Variants in PTPRM observed in about 807,000 individuals in gnomAD.
The protein encoded by PTPRM is receptor-type tyrosine-protein phosphatase mu.
A neutral mutation model predicts 186.7 loss-of-function variants in PTPRM; 47 were observed. That is an observed-to-expected ratio of 0.25 (90% confidence interval 0.20 to 0.32). The LOEUF is 0.32. Ranked by LOEUF, PTPRM falls within the 10% of genes least tolerant of loss-of-function variation. The pLI, the probability that PTPRM is intolerant of heterozygous loss-of-function variation, is 1.00. For missense variants in PTPRM, 1,494 were observed against 1,865.0 expected, an observed-to-expected ratio of 0.80 and a Z score of 3.66; for synonymous variants, 668 against 674.9, an observed-to-expected ratio of 0.99 and a Z score of 0.16.
chr18:8,062,996 C>G (rs2088696027), intron 7 of PTPRM, among the ~76,000 whole-genome samples: 1 of 150,066 alleles, frequency 6.7e-6, no homozygotes, highest in African/African-American at 2.5e-5. Flanking sequence ...CCAGTTCGAG[C>G]TTCCCGGCTG....
chr18:8,282,049 C>A (rs1011142162), intron 19 of PTPRM, among the ~76,000 whole-genome samples: 21 of 151,944 alleles, frequency 1.4e-4, no homozygotes, highest in African/African-American at 5.1e-4. Flanking sequence ...TCAAAGGATT[C>A]ATATCTAAAA....
intron 14 of PTPRM, among the ~76,000 whole-genome samples, chr18:8,162,168 C>T (rs8093750): frequency 0.023 from 3,534 of 151,084 alleles, 136 homozygotes; most frequent in African/African-American, 0.083. Context: ...GGCGCCATCT[C>T]GGCTCACTAC....
At chr18:8,397,182 AG>A (rs1335634181) in intron 32 of PTPRM, among the ~76,000 whole-genome samples, 1 of 152,224 alleles carries the variant, frequency 6.6e-6, no homozygotes, top group Non-Finnish European at 1.5e-5. Context: ...GGTGCAATAG[AG>A]GGGCCCTCGC....
chr18:8,251,081 A>T (rs766728048), intron 17 of PTPRM, among the ~76,000 whole-genome samples: 1 of 152,192 alleles, frequency 6.6e-6, no homozygotes, highest in Non-Finnish European at 1.5e-5. Context: ...CACACTAGTA[A>T]TGAGGGCAAG....
Position 7,887,932 on chromosome 18 carries a change from G to T in PTPRM, c.197-174G>T, listed in dbSNP as rs1205495181. 5 of 799,824 alleles carry T rather than the reference G, an allele frequency of 6.3e-6. No individual in the cohort carries two copies. The East Asian group carries it at 9.7e-5, about 16-fold the overall frequency. 49.5% of individuals were successfully genotyped at this position (799,824 alleles called of 1,614,324 possible). On this transcript the variant is annotated intron_variant, in intron 2 of 32. Transcript: ENST00000580170. ...TGTGCACTCTTGAGAACATATAGGGGGATGATAGGAGGAGGAGGTGGTGAT... is the reference window on the plus strand; with the variant it reads ...TGTGCACTCTTGAGAACATATAGGGTGATGATAGGAGGAGGAGGTGGTGAT...
At chr18:7,746,321 G>GAAGAC (rs1489636661) in intron 1 of PTPRM, among the ~76,000 whole-genome samples, 1 of 152,106 alleles carries the variant, frequency 6.6e-6, no homozygotes, top group African/African-American at 2.4e-5. Flanking sequence ...ATGGAATCCA[G>GAAGAC]AAGACAATGA....
At chr18:7,788,848 T>A (rs1174542739) in intron 2 of PTPRM, among the ~76,000 whole-genome samples, 1 of 152,194 alleles carries the variant, frequency 6.6e-6, no homozygotes, top group Admixed American at 6.5e-5. Context: ...ATGGGAAAGG[T>A]TACCAAGGGA....
At chr18:7,861,844 A>G (rs1255042462) in intron 2 of PTPRM, among the ~76,000 whole-genome samples, 1 of 151,954 alleles carries the variant, frequency 6.6e-6, no homozygotes, top group African/African-American at 2.4e-5. Flanking sequence ...CAGTAAACCT[A>G]CTCTCTTACC....
intron 12 of PTPRM, among the ~76,000 whole-genome samples, chr18:8,114,325 A>T (rs2145721492): frequency 6.6e-6 from 1 of 152,236 alleles, no homozygotes; most frequent in African/African-American, 2.4e-5. Flanking sequence ...CTCTGATAAG[A>T]TTGTAAACTC....
At chr18:8,188,420 C>G (rs2093669478) in intron 14 of PTPRM, among the ~76,000 whole-genome samples, 1 of 152,224 alleles carries the variant, frequency 6.6e-6, no homozygotes, top group Non-Finnish European at 1.5e-5. Context: ...TAATGCTGCT[C>G]TGTGATGAAT....
chr18:8,068,627 T>C (rs575133484), intron 7 of PTPRM, among the ~76,000 whole-genome samples: 1 of 152,348 alleles, frequency 6.6e-6, no homozygotes, highest in African/African-American at 2.4e-5. Flanking sequence ...AGAATTACTT[T>C]AGCATTGATT....
intron 5 of PTPRM, among the ~76,000 whole-genome samples, chr18:7,943,080 C>CT (rs60814198): frequency 0.016 from 2,384 of 152,126 alleles, 57 homozygotes; most frequent in African/African-American, 0.055. Context: ...GTCATTTGGC[C>CT]TTTCGTTTCT....
intron 19 of PTPRM, among the ~76,000 whole-genome samples, chr18:8,295,951 T>C (rs1181626845): frequency 1.3e-5 from 2 of 152,214 alleles, no homozygotes; most frequent in African/African-American, 4.8e-5. Flanking sequence ...AAAGATAACC[T>C]TTCTTCAATT....
chr18:7,620,192 G>A (rs552206613), intron 1 of PTPRM, among the ~76,000 whole-genome samples: 1 of 152,238 alleles, frequency 6.6e-6, no homozygotes, highest in South Asian at 2.1e-4. Flanking sequence ...CAGAGAAACC[G>A]CTGGCTGCTA....
chr18:7,621,852 T>G (rs2037947020), intron 1 of PTPRM, among the ~76,000 whole-genome samples: 4 of 152,242 alleles, frequency 2.6e-5, no homozygotes, highest in Admixed American at 2.6e-4. Context: ...TGTACCACAG[T>G]TTATCCATTC....
intron 4 of PTPRM, among the ~76,000 whole-genome samples, chr18:7,907,518 G>A (rs1200706028): frequency 6.6e-6 from 1 of 152,190 alleles, no homozygotes; most frequent in African/African-American, 2.4e-5. Flanking sequence ...CTTACCCTTG[G>A]AAGATGACCC....
chr18:8,034,307 A>G (rs767326411), intron 7 of PTPRM, among the ~76,000 whole-genome samples: 2 of 152,064 alleles, frequency 1.3e-5, no homozygotes, highest in Non-Finnish European at 2.9e-5. Flanking sequence ...GTCTCAACCC[A>G]CTATAGTGTC....
At chr18:7,811,310 C>A in intron 2 of PTPRM, among the ~76,000 whole-genome samples, 1 of 152,198 alleles carries the variant, frequency 6.6e-6, no homozygotes, top group East Asian at 1.9e-4. Flanking sequence ...TTGCACAGTC[C>A]CAGCAAGGGG....
intron 1 of PTPRM, among the ~76,000 whole-genome samples, chr18:7,609,058 G>T (rs753648526): frequency 6.6e-6 from 1 of 152,156 alleles, no homozygotes. Context: ...TTCTTCCCCA[G>T]GGTATGTTTG....
Sources: gnomAD v4.1 joint callset for allele counts (sites outside exome capture counted in the v4.1 genomes callset) on GRCh38, gnomAD v4.1.1 for gene constraint, MANE v1.5 for transcripts, NCBI Gene and HGNC (gene_info 2026-07-23, HGNC 2026-07-21) for gene names.